The following MED6 variants were observed in gnomAD, a reference collection of about 807,000 sequenced individuals.
The protein encoded by MED6 is mediator complex subunit 6, also known as mediator of RNA polymerase II transcription subunit 6.
Under a neutral mutation model 37.5 loss-of-function variants are expected in MED6, and 33 were observed. The ratio of observed to expected loss-of-function variants is 0.88; its 90% CI spans 0.67 to 1.18. MED6 has a LOEUF of 1.18. Among genes scored for constraint, MED6 ranks in the 50% most tolerant of loss-of-function variants. MED6 has a pLI of 0.00. For synonymous variants in MED6, 94 were observed against 93.6 expected, an observed-to-expected ratio of 1.00 and a Z score of -0.02; for missense variants, 235 against 290.6, an observed-to-expected ratio of 0.81 and a Z score of 1.39.
intron 3 of MED6, chr14:70,595,647 G>A (rs1885022194): frequency 2.1e-6 from 2 of 955,798 alleles, no homozygotes; most frequent in East Asian, 2.6e-5. Context: ...GAACATCAAG[G>A]TCAAGCTGTA....
chr14:70,596,826 G>T (rs1885062424), intron 2 of MED6, 124 bp from the exon 3 acceptor site: 2 of 665,470 alleles, frequency 3.0e-6, no homozygotes, highest in South Asian at 4.5e-5. Context: ...CCTATGTTTG[G>T]TGTTATAATC....
intron 1 of MED6, 136 bp downstream of exon 1, chr14:70,600,480 C>A: frequency 1.1e-6 from 1 of 916,982 alleles, no homozygotes; most frequent in Non-Finnish European, 1.7e-6. Flanking sequence ...AGATCACAGC[C>A]TTGGGTTGTC....
chr14:70,585,852 A>G, intron 6 of MED6, 69 bp from the exon 7 acceptor site: 1 of 1,295,734 alleles, frequency 7.7e-7, no homozygotes, highest in Non-Finnish European at 1.1e-6. Context: ...ACTTGGCAAA[A>G]TTTCTTCTTC....
At position 70,597,669 on chromosome 14, in the gene MED6, G is replaced by A; in HGVS notation, c.131C>T (p.Thr44Ile). The A allele has an allele frequency of 6.4e-7, 1 of 1,558,424 alleles. No homozygotes were observed. The highest frequency in any genetic ancestry group is 8.6e-7 in the Non-Finnish European group (1 of 1,159,300). Residue 44 changes from threonine (T) to isoleucine (I), a missense_variant, in exon 2 of 8, where the codon ACA becomes ATA. Coordinates refer to ENST00000256379, the MANE Select transcript of MED6 (RefSeq NM_005466.4). ...CATTTTGACCACTTCATTATTACAT[G>A]TTCTGTCATAAAAAGGATTACTTCT... ...SERSNPFYDR[T>I]CNNEVVKMQR...
chr14:70,590,423 T>C (rs1437872432), intron 6 of MED6, among the ~76,000 whole-genome samples: 3 of 152,200 alleles, frequency 2.0e-5, no homozygotes, highest in Admixed American at 1.3e-4. Flanking sequence ...TCTGCTCTCT[T>C]CACCACTACA....
chr14:70,599,917 T>C (rs1885155142), intron 1 of MED6, among the ~76,000 whole-genome samples: 1 of 151,874 alleles, frequency 6.6e-6, no homozygotes, highest in Non-Finnish European at 1.5e-5. Context: ...TAGACCCCAA[T>C]CCAGTTAATA....
chr14:70,589,360 C>G (rs1884805591), intron 6 of MED6, among the ~76,000 whole-genome samples: 2 of 152,018 alleles, frequency 1.3e-5, no homozygotes, highest in South Asian at 4.1e-4. Flanking sequence ...CCTAAGCATC[C>G]CCCCCATACT....
intron 1 of MED6, 112 bp downstream of exon 1, chr14:70,600,504 C>A: frequency 8.0e-7 from 1 of 1,243,696 alleles, no homozygotes; most frequent in South Asian, 1.3e-5. Flanking sequence ...AAAAACCACT[C>A]AAAAAAGCTT....
At chr14:70,595,569 C>T in intron 3 of MED6, 1 of 709,868 alleles carries the variant, frequency 1.4e-6, no homozygotes. Flanking sequence ...CCTGCTGTAC[C>T]TGGAGTTGGA....
intron 1 of MED6, among the ~76,000 whole-genome samples, chr14:70,599,754 G>A (rs1885149803): frequency 6.6e-6 from 1 of 151,988 alleles, no homozygotes; most frequent in Middle Eastern, 3.2e-3. Flanking sequence ...CTGTAGCAAG[G>A]CAACATGTTG....
chr14:70,584,918 T>G lies in MED6; in HGVS notation c.636A>C (p.Glu212Asp). 1.2e-6 allele frequency: 2 copies of G among 1,614,072 alleles called. No homozygotes were observed. The highest frequency in any genetic ancestry group is 1.7e-6 in the Non-Finnish European group (2 of 1,179,972). ...CAGGTTTTACAGTTTCTGGTATAGG[T>G]TCTGCCTCTTTCTTTGTTTGATCCA... ...VPVDQTKKEA[E>D]PIPETVKPEE... Residue 212 changes from glutamate to aspartate, a missense_variant, in exon 8 of 8, where the codon GAA becomes GAC. Coordinates refer to ENST00000256379, the MANE Select transcript of MED6 (RefSeq NM_005466.4).
chr14:70,587,676 A>G (rs1157632834), intron 6 of MED6, among the ~76,000 whole-genome samples: 2 of 152,246 alleles, frequency 1.3e-5, no homozygotes, highest in African/African-American at 2.4e-5. Context: ...CTAGACTAGT[A>G]GAACACGGTC....
chr14:70,593,898 G>A (rs1884962132), intron 3 of MED6, among the ~76,000 whole-genome samples: 1 of 152,142 alleles, frequency 6.6e-6, no homozygotes, highest in Admixed American at 6.5e-5. Context: ...GGGTCCTAAG[G>A]AATAAGATAG....
At chr14:70,594,723 G>C (rs1884990280) in intron 3 of MED6, 2 of 470,268 alleles carry the variant, frequency 4.3e-6, no homozygotes, top group African/African-American at 4.0e-5. Context: ...GGGCAGCTTG[G>C]GGTACAGGAG....
At position 70,592,914 on chromosome 14, in the gene MED6, C is replaced by A. The variant is rs143162052; in HGVS notation, c.432G>T (p.Gly144=). 5 of 1,613,886 alleles carry A rather than the reference C, an allele frequency of 3.1e-6. No homozygotes were observed. In the South Asian group the frequency reaches 3.3e-5, roughly 11 times the overall value. ...MSYCRYHPSK[G]YWWHFKDHEE... ...CATGATCTTTGAAGTGCCACCAATA[C>A]CCTTTGGAAGGATGATATCGACAGT... Residue 144 remains glycine (G), a synonymous_variant, in exon 5 of 8, where the codon GGG becomes GGT. Coordinates refer to ENST00000256379, the MANE Select transcript of MED6 (RefSeq NM_005466.4).
At chr14:70,600,564 C>T in intron 1 of MED6, 52 bp downstream of exon 1, 1 of 1,606,460 alleles carries the variant, frequency 6.2e-7, no homozygotes, top group South Asian at 1.1e-5. Flanking sequence ...GCTATAACAT[C>T]CCAAACTGGT....
At chr14:70,595,376 A>C (rs1885012954) in intron 3 of MED6, 1 of 569,130 alleles carries the variant, frequency 1.8e-6, no homozygotes, top group African/African-American at 1.8e-5. Flanking sequence ...AGAACACCAC[A>C]GTGGTCACTA....
At chr14:70,596,515 C>T (rs1297117135) in intron 3 of MED6, 96 bp downstream of exon 3, 1 of 922,186 alleles carries the variant, frequency 1.1e-6, no homozygotes, top group Non-Finnish European at 1.7e-6. Flanking sequence ...GGAGACCCCC[C>T]AAACAGAAAC....
rs770747079 is a variant in MED6, at chr14:70,592,876, T to C, written c.466+4A>G. The C allele has an allele frequency of 6.2e-7, 1 of 1,613,604 alleles. No individual in the cohort carries two copies. Among genetic ancestry groups the C allele is most frequent in the Non-Finnish European group, 8.5e-7 (1 of 1,179,718 alleles). ...TTTTAGGAGGGTATGGATGTTCTACTTACCTTGCTCTTCATGATCTTTGAA... is the reference window on the plus strand; with the variant it reads ...TTTTAGGAGGGTATGGATGTTCTACCTACCTTGCTCTTCATGATCTTTGAA... On this transcript the variant is annotated splice_donor_region_variant and intron_variant, in intron 5 of 7. Coordinates refer to ENST00000256379, the MANE Select transcript of MED6 (RefSeq NM_005466.4).
Sources: gnomAD v4.1 joint callset for allele counts (sites outside exome capture counted in the v4.1 genomes callset) on GRCh38, gnomAD v4.1.1 for gene constraint, MANE v1.5 for transcripts, NCBI Gene and HGNC (gene_info 2026-07-23, HGNC 2026-07-21) for gene names.